The following GJB7 variants were observed in gnomAD, a reference collection of about 807,000 sequenced individuals.
The protein encoded by GJB7 is gap junction beta-7 protein.
For missense variants in GJB7, 253 were observed against 256.8 expected (o/e 0.99, Z 0.10); for synonymous variants, 87 against 95.2 (o/e 0.91, Z 0.50).
At chr6:87,310,653 A>T (rs1776503338) in intron 2 of GJB7, among the ~76,000 whole-genome samples, 1 of 126,330 alleles carries the variant, frequency 7.9e-6, no homozygotes, top group Non-Finnish European at 1.6e-5. Flanking sequence ...ATATTGAAAT[A>T]AAAAAAAATA....
chr6:87,292,211 T>A (rs1359328581), intron 2 of GJB7, among the ~76,000 whole-genome samples: 1 of 152,228 alleles, frequency 6.6e-6, no homozygotes, highest in Non-Finnish European at 1.5e-5. Context: ...GTTCATTGAA[T>A]ATTACTTTGT....
At chr6:87,328,289 T>C (rs1175663021) in intron 1 of GJB7, among the ~76,000 whole-genome samples, 1 of 151,964 alleles carries the variant, frequency 6.6e-6, no homozygotes. Flanking sequence ...GTTCCGTTGC[T>C]CGTGAGGAAC....
At chr6:87,299,756 C>G (rs1776294292) in intron 2 of GJB7, 1 of 158,632 alleles carries the variant, frequency 6.3e-6, no homozygotes, top group Non-Finnish European at 1.4e-5. Context: ...AATTTTGAAG[C>G]TATTTAGCCT....
At chr6:87,306,119 A>G (rs1776423527) in intron 2 of GJB7, among the ~76,000 whole-genome samples, 1 of 152,020 alleles carries the variant, frequency 6.6e-6, no homozygotes, top group South Asian at 2.1e-4. Flanking sequence ...AGGCATGGGC[A>G]AGGACTTCAT....
At chr6:87,305,670 A>G (rs1227990121) in intron 2 of GJB7, among the ~76,000 whole-genome samples, 1 of 152,230 alleles carries the variant, frequency 6.6e-6, no homozygotes, top group Non-Finnish European at 1.5e-5. Context: ...GAATTGGAAA[A>G]AGCTACTTTA....
At chr6:87,295,011 A>G (rs1434081336) in intron 2 of GJB7, among the ~76,000 whole-genome samples, 1 of 152,120 alleles carries the variant, frequency 6.6e-6, no homozygotes, top group South Asian at 2.1e-4. Context: ...CTTGCTTCAC[A>G]GTGTTTTTAT....
chr6:87,303,601 T>C (rs2127903957), intron 2 of GJB7, among the ~76,000 whole-genome samples: 1 of 152,162 alleles, frequency 6.6e-6, no homozygotes, highest in South Asian at 2.1e-4. Flanking sequence ...ACACTGTCAA[T>C]ATTACACAGA....
At chr6:87,298,062 G>A (rs1776270461) in intron 2 of GJB7, among the ~76,000 whole-genome samples, 1 of 152,172 alleles carries the variant, frequency 6.6e-6, no homozygotes, top group Non-Finnish European at 1.5e-5. Flanking sequence ...GTATTGGCTG[G>A]AGTCAGAGAC....
At chr6:87,289,989 C>T (rs1355880587) in intron 2 of GJB7, among the ~76,000 whole-genome samples, 1 of 152,192 alleles carries the variant, frequency 6.6e-6, no homozygotes, top group East Asian at 1.9e-4. Flanking sequence ...CAGCGACACT[C>T]CCTGAAAAAT....
chr6:87,313,099 C>T (rs1018591655), intron 2 of GJB7, among the ~76,000 whole-genome samples: 1 of 152,220 alleles, frequency 6.6e-6, no homozygotes. Context: ...ACATTCACAG[C>T]TCTGCTGTGA....
At chr6:87,324,265 G>A (rs1776760346) in intron 1 of GJB7, among the ~76,000 whole-genome samples, 1 of 151,910 alleles carries the variant, frequency 6.6e-6, no homozygotes, top group African/African-American at 2.4e-5. Flanking sequence ...CTGTGCAGAA[G>A]CTCTTTAATT....
intron 1 of GJB7, among the ~76,000 whole-genome samples, chr6:87,328,758 C>T (rs1462983358): frequency 1.3e-5 from 2 of 152,216 alleles, no homozygotes; most frequent in Non-Finnish European, 2.9e-5. Flanking sequence ...GGCAGGCCTC[C>T]TTGAGCTGTG....
In GJB7 at chr6:87,284,261, GT is replaced by G. The variant is rs775175904; in HGVS notation, c.651del (p.Lys217AsnfsTer34). Reference protein sequence around the residue: ...IKCCLQKYLKKPQVLSV With the variant: ...IKCCLQKYLKXPQVLSV ...GGCACTCACACACTGAGGACTTGAG[GT>G]TTTTTTAAATATTTTTGGAGACAGC... On this transcript the variant is annotated frameshift_variant, in exon 3 of 3. Coordinates refer to ENST00000525899, the MANE Select transcript of GJB7 (RefSeq NM_198568.3). LOFTEE classifies it high-confidence loss of function. The G allele has an allele frequency of 1.9e-6, 3 of 1,613,332 alleles. No homozygotes were observed. The highest frequency in any genetic ancestry group is 2.5e-6 in the Non-Finnish European group (3 of 1,179,618).
chr6:87,296,835 G>A (rs575814270), intron 2 of GJB7, among the ~76,000 whole-genome samples: 199 of 152,254 alleles, frequency 1.3e-3, no homozygotes, highest in Non-Finnish European at 2.1e-3. Context: ...AAAAGACCTA[G>A]CCATCTTTTC....
chr6:87,307,539 A>T (rs1582563643), intron 2 of GJB7, among the ~76,000 whole-genome samples: 1 of 152,202 alleles, frequency 6.6e-6, no homozygotes, highest in African/African-American at 2.4e-5. Flanking sequence ...GAAAAAAACA[A>T]GCAACCCCAT....
At chr6:87,312,219 C>T (rs1191895549) in intron 2 of GJB7, among the ~76,000 whole-genome samples, 1 of 151,964 alleles carries the variant, frequency 6.6e-6, no homozygotes, top group African/African-American at 2.4e-5. Context: ...TACTTAAAAA[C>T]TGGAGGTGGT....
chr6:87,294,968 C>T (rs998234163), intron 2 of GJB7, among the ~76,000 whole-genome samples: 8 of 152,186 alleles, frequency 5.3e-5, no homozygotes, highest in African/African-American at 1.7e-4. Flanking sequence ...CTCTGAACTT[C>T]CATTTCCTTG....
intron 2 of GJB7, among the ~76,000 whole-genome samples, chr6:87,312,154 T>G (rs2127907987): frequency 6.6e-6 from 1 of 152,226 alleles, no homozygotes; most frequent in East Asian, 1.9e-4. Context: ...AGCAGTAGAC[T>G]TAGAATTTGT....
Position 87,284,580 on chromosome 6 carries a change from G to A in GJB7, c.333C>T (p.Val111=). The A allele has an allele frequency of 1.2e-6, 2 of 1,614,114 alleles. No homozygotes were observed. The highest frequency in any genetic ancestry group is 1.7e-6 in the Non-Finnish European group (2 of 1,179,974). Residue 111 remains valine (V), a synonymous_variant, in exon 3 of 3, where the codon GTC becomes GTT. Coordinates refer to ENST00000525899, the MANE Select transcript of GJB7 (RefSeq NM_198568.3). ...GGCCCCCATCCATTGTACCTGGGCT[G>A]ACATAGAGTTTCTTTCTGTGCCTTT... ...REKRHRKKLY[V]SPGTMDGGLW...
Sources: gnomAD v4.1 joint callset for allele counts (sites outside exome capture counted in the v4.1 genomes callset) on GRCh38, gnomAD v4.1.1 for gene constraint, MANE v1.5 for transcripts, NCBI Gene and HGNC (gene_info 2026-07-23, HGNC 2026-07-21) for gene names.